CYBRD1: variants seen among roughly 807,000 people sequenced by gnomAD.
CYBRD1 encodes the protein cytochrome b reductase 1.
Under a neutral mutation model 21.9 loss-of-function variants are expected in CYBRD1, and 14 were observed. The observed-to-expected ratio is 0.64, with a 90% confidence interval of 0.42 to 1.00. The LOEUF is 1.00. Among genes scored for constraint, CYBRD1 ranks in the 50% least tolerant of loss-of-function variants. CYBRD1 has a pLI of 0.00. For missense variants in CYBRD1, 328 were observed against 352.5 expected, an observed-to-expected ratio of 0.93 and a Z score of 0.56; for synonymous variants, 146 against 136.5, an observed-to-expected ratio of 1.07 and a Z score of -0.48.
At chr2:171,528,925 ACT>A (rs1697423570) in intron 1 of CYBRD1, among the ~76,000 whole-genome samples, 1 of 152,112 alleles carries the variant, frequency 6.6e-6, no homozygotes, top group Non-Finnish European at 1.5e-5. Flanking sequence ...AATCTTATAG[ACT>A]CTGAATTCAA....
At chr2:171,551,513 C>G (rs926970866) in intron 2 of CYBRD1, among the ~76,000 whole-genome samples, 1 of 152,100 alleles carries the variant, frequency 6.6e-6, no homozygotes, top group African/African-American at 2.4e-5. Flanking sequence ...CAGAAAACAA[C>G]AGTTAATCTT....
chr2:171,546,892 G>A (rs1387277307), intron 2 of CYBRD1, among the ~76,000 whole-genome samples: 1 of 152,114 alleles, frequency 6.6e-6, no homozygotes, highest in Non-Finnish European at 1.5e-5. Flanking sequence ...TCCAGAGCAG[G>A]GCATAGAAGA....
At chr2:171,539,141 A>G (rs1697591259) in intron 1 of CYBRD1, among the ~76,000 whole-genome samples, 2 of 152,156 alleles carry the variant, frequency 1.3e-5, no homozygotes, top group Admixed American at 6.6e-5. Context: ...TATTAAAATT[A>G]TAAAAGCCTT....
chr2:171,552,284 A>G (rs557654926), intron 2 of CYBRD1, among the ~76,000 whole-genome samples: 88 of 152,282 alleles, frequency 5.8e-4, no homozygotes, highest in African/African-American at 2.1e-3. Context: ...TTTGATGATT[A>G]TATGATTTTT....
intron 1 of CYBRD1, 27 bp from the exon 2 acceptor site, chr2:171,541,558 A>G (rs758454851): frequency 1.2e-6 from 2 of 1,607,460 alleles, no homozygotes; most frequent in Non-Finnish European, 8.5e-7. Context: ...AACAAAACAC[A>G]TTCTGTGTCC....
At chr2:171,552,388 A>G (rs139890737) in intron 2 of CYBRD1, among the ~76,000 whole-genome samples, 2 of 152,272 alleles carry the variant, frequency 1.3e-5, no homozygotes, top group African/African-American at 4.8e-5. Context: ...GCTGATTCTC[A>G]GTGTGAATTA....
rs1683500241 is a variant in CYBRD1 at position 171,557,096 on chromosome 2, A to G, written c.*2269A>G. On this transcript the variant is annotated 3_prime_UTR_variant, in exon 4 of 4. Coordinates refer to ENST00000321348, the MANE Select transcript of CYBRD1 (RefSeq NM_024843.4). ...GGCTAATGTGAGGATAATCTTACAG[A>G]TATTATAGGAATTTCTTTTCTATCT... The G allele has an allele frequency of 6.6e-6, 1 of 152,608 alleles. No individual in the cohort carries two copies. Among genetic ancestry groups the G allele is most frequent in the African/African-American group, 2.4e-5 (1 of 41,440 alleles). The allele number at this position is 152,608 out of a possible 1,614,324, so 9.5% of individuals were successfully genotyped here. A position where few individuals can be genotyped will look rare whatever the true frequency, so the allele number is the denominator to read the frequency against.
At chr2:171,539,519 C>A (rs1697596927) in intron 1 of CYBRD1, among the ~76,000 whole-genome samples, 1 of 152,068 alleles carries the variant, frequency 6.6e-6, no homozygotes, top group African/African-American at 2.4e-5. Context: ...TAGTGGAATC[C>A]ATCGTCTGAG....
chr2:171,554,389 T>C (rs1574446851), intron 3 of CYBRD1, 135 bp from the exon 4 acceptor site: 1 of 756,078 alleles, frequency 1.3e-6, no homozygotes, highest in Non-Finnish European at 2.1e-6. Flanking sequence ...ATAATTTATA[T>C]TTCTCCTTAA....
chr2:171,537,947 T>C (rs1378366411), intron 1 of CYBRD1, among the ~76,000 whole-genome samples: 2 of 152,206 alleles, frequency 1.3e-5, no homozygotes, highest in Non-Finnish European at 2.9e-5. Flanking sequence ...AACATTACTA[T>C]GTACCGCATA....
intron 3 of CYBRD1, 28 bp downstream of exon 3, chr2:171,553,528 A>G (rs777046054): frequency 6.3e-7 from 1 of 1,595,412 alleles, no homozygotes; most frequent in Non-Finnish European, 8.5e-7. Context: ...CTTAATTGTA[A>G]TACTTAAGCC....
At chr2:171,552,520 T>A (rs55877758) in intron 2 of CYBRD1, among the ~76,000 whole-genome samples, 23,160 of 152,184 alleles carry the variant, frequency 0.15, 2,238 homozygotes, top group Non-Finnish European at 0.23. Flanking sequence ...TTTTCATAAT[T>A]GTTTTGCTAG....
chr2:171,539,096 G>T (rs568897041), intron 1 of CYBRD1, among the ~76,000 whole-genome samples: 9 of 152,032 alleles, frequency 5.9e-5, no homozygotes, highest in Admixed American at 5.9e-4. Context: ...CTCACTGAGC[G>T]CAGTGAGCCA....
intron 1 of CYBRD1, among the ~76,000 whole-genome samples, chr2:171,526,220 T>C (rs957899888): frequency 1.3e-5 from 2 of 152,154 alleles, no homozygotes; most frequent in Non-Finnish European, 2.9e-5. Flanking sequence ...TGAGCCAAGA[T>C]TGTGCCACTG....
At chr2:171,525,909 T>C (rs1356126043) in intron 1 of CYBRD1, among the ~76,000 whole-genome samples, 2 of 144,562 alleles carry the variant, frequency 1.4e-5, no homozygotes, top group Non-Finnish European at 3.0e-5. Context: ...ATCTTGCCAT[T>C]GCACTTCAGC....
intron 1 of CYBRD1, among the ~76,000 whole-genome samples, chr2:171,537,335 G>A (rs112082014): frequency 7.2e-5 from 11 of 152,180 alleles, no homozygotes; most frequent in African/African-American, 2.7e-4. Flanking sequence ...GGGTAAAGAG[G>A]CATTTGCTTT....
upstream of CYBRD1, chr2:171,522,332 A>G (rs1697316629): frequency 6.6e-7 from 1 of 1,522,974 alleles, no homozygotes; most frequent in East Asian, 2.5e-5. This position sits in a 1 kb window ranked among gnomAD's most constrained non-coding sequence, Gnocchi z 4.3. Context: ...CGGCCGCGTG[A>G]TCCCGGGGGT....
chr2:171,554,011 T>G (rs1683437618), intron 3 of CYBRD1, among the ~76,000 whole-genome samples: 1 of 152,188 alleles, frequency 6.6e-6, no homozygotes, highest in Non-Finnish European at 1.5e-5. Context: ...GGAATCTTCT[T>G]GGGTCCAAAT....
chr2:171,536,677 T>C (rs1170820901), intron 1 of CYBRD1, among the ~76,000 whole-genome samples: 3 of 152,072 alleles, frequency 2.0e-5, no homozygotes, highest in Non-Finnish European at 4.4e-5. Flanking sequence ...TCAAATGATC[T>C]GCCTGCCTCA....
Sources: gnomAD v4.1 joint callset for allele counts (sites outside exome capture counted in the v4.1 genomes callset) on GRCh38, gnomAD v4.1.1 for gene constraint, Gnocchi (gnomAD v3.1) non-coding constraint, MANE v1.5 for transcripts, NCBI Gene and HGNC (gene_info 2026-07-23, HGNC 2026-07-21) for gene names.